Variants in MGP observed in about 807,000 individuals in gnomAD.
MGP encodes cell growth-inhibiting gene 36 protein.
Under a neutral mutation model 14.5 loss-of-function variants are expected in MGP, and 13 were observed. The observed-to-expected ratio is 0.89, with a 90% CI of 0.58 to 1.42. MGP has a LOEUF of 1.42. Ranked by LOEUF, MGP falls within the 40% of genes most tolerant of loss-of-function variation. MGP has a pLI of 0.00. For synonymous variants in MGP, 44 were observed against 46.3 expected (o/e 0.95, Z 0.20); for missense variants, 128 against 133.7 (o/e 0.96, Z 0.21).
intron 2 of MGP, 191 bp from the exon 3 acceptor site, chr12:14,883,238 C>T (rs1863401504): frequency 1.7e-6 from 1 of 580,788 alleles, no homozygotes; most frequent in Non-Finnish European, 3.1e-6. Context: ...AATCAGTAAT[C>T]AATCCATGTG....
intron 1 of MGP, 53 bp downstream of exon 1, chr12:14,885,678 C>T: frequency 6.9e-7 from 1 of 1,457,116 alleles, no homozygotes. Context: ...AGAAGTAAGC[C>T]AAAGTCAGAG....
In MGP at chr12:14,885,622, T is replaced by C. The variant is rs149985731; in HGVS notation, c.61+109A>G. 6.0e-3 allele frequency: 4,899 copies of C among 813,450 alleles called. 119 individuals carry two copies. Among genetic ancestry groups the C allele is most frequent in the South Asian group, 0.04 (2,750 of 68,970 alleles). The allele number at this position is 813,450 out of a possible 1,614,324, so 50.4% of individuals were successfully genotyped here. On this transcript the variant is annotated intron_variant, in intron 1 of 3. Coordinates refer to ENST00000539261, the MANE Select transcript of MGP (RefSeq NM_000900.5). ...ATGTGAAAGTAATGGTACTTTAAGATTATAACAGAGAAAGGGGGAAGAAGA... is the reference window on the plus strand; with the variant it reads ...ATGTGAAAGTAATGGTACTTTAAGACTATAACAGAGAAAGGGGGAAGAAGA...
intron 1 of MGP, chr12:14,884,724 G>T: frequency 8.8e-7 from 1 of 1,133,686 alleles, no homozygotes; most frequent in Non-Finnish European, 1.2e-6. Flanking sequence ...GCTTACTAGG[G>T]CAGGTTTCTA....
At position 14,884,672 on chromosome 12, in the gene MGP, G is replaced by C. The variant is rs1019844571; in HGVS notation, c.62-427C>G. Reference sequence around the variant, plus strand: ...TAAGAAGGATCCAGAAGACAGCCAGGTTTCTCCAGGCAAGAGAACTACAGG... The same window carrying C: ...TAAGAAGGATCCAGAAGACAGCCAGCTTTCTCCAGGCAAGAGAACTACAGG... On this transcript the variant is annotated intron_variant, in intron 1 of 3. Coordinates refer to ENST00000539261, the MANE Select transcript of MGP (RefSeq NM_000900.5). 1.6e-5 allele frequency: 10 copies of C among 607,966 alleles called. No individual in the cohort carries two copies. In the Admixed American group the frequency reaches 2.9e-4, roughly 17 times the overall value. The allele number at this position is 607,966 out of a possible 1,614,324, so 37.7% of individuals were successfully genotyped here.
chr12:14,881,859 A>G lies in MGP; in HGVS notation c.*280T>C, dbSNP rs181187005. 162 of 424,882 alleles carry G rather than the reference A, an allele frequency of 3.8e-4. No individual in the cohort carries two copies. Among genetic ancestry groups the G allele is most frequent in the African/African-American group, 3.1e-3 (153 of 49,918 alleles). The allele number at this position is 424,882 out of a possible 1,614,324, so 26.3% of individuals were successfully genotyped here. ...GGTGGGCCATGATTTAAATATCTCA[A>G]TATCTTCCCAAAAGAAAGCAGATTT... On this transcript the variant is annotated 3_prime_UTR_variant, in exon 4 of 4. Coordinates refer to ENST00000539261, the MANE Select transcript of MGP (RefSeq NM_000900.5).
At chr12:14,884,579 A>C (rs115717800) in intron 1 of MGP, among the ~76,000 whole-genome samples, 1 of 152,218 alleles carries the variant, frequency 6.6e-6, no homozygotes, top group Non-Finnish European at 1.5e-5. Context: ...AGTGCTGTAC[A>C]GAAGTCTCCA....
At chr12:14,883,648 A>G (rs1219700590) in intron 2 of MGP, 1 of 162,278 alleles carries the variant, frequency 6.2e-6, no homozygotes, top group African/African-American at 2.4e-5. Context: ...AAAATACAAA[A>G]ATTAGCCAGG....
rs1288287983 is a variant in MGP, at chr12:14,881,031, A to G, written c.*1108T>C. 1.3e-5 allele frequency: 2 copies of G among 152,236 alleles called. No homozygotes were observed. Among genetic ancestry groups the G allele is most frequent in the African/African-American group, 4.8e-5 (2 of 41,468 alleles). 9.4% of individuals were successfully genotyped at this position (152,236 alleles called of 1,614,324 possible). A position where few individuals can be genotyped will look rare whatever the true frequency, so the allele number is the denominator to read the frequency against. On this transcript the variant is annotated 3_prime_UTR_variant, in exon 4 of 4. Coordinates refer to ENST00000539261, the MANE Select transcript of MGP (RefSeq NM_000900.5). ...TACAGTGAAAATATCTTTCAAGAATAAAAACAAGCATACAAAACTTAAAGA... is the reference window on the plus strand; with the variant it reads ...TACAGTGAAAATATCTTTCAAGAATGAAAACAAGCATACAAAACTTAAAGA...
Position 14,882,974 on chromosome 12 carries a change from C to T in MGP, c.168G>A (p.Glu56=), listed in dbSNP as rs181964921. 5.6e-6 allele frequency: 9 copies of T among 1,609,558 alleles called. No homozygotes were observed. The Admixed American group carries it at 1.0e-4, about 18-fold the overall frequency. Residue 56 remains glutamate, a splice_region_variant and synonymous_variant, in exon 3 of 4, where the codon GAG becomes GAA. Transcript: ENST00000539261. The stretch of plus-strand genomic sequence containing the variant: ...CCTCATGAAGTTTTGTTACTGACCT[C>T]TCTTGGACTTTAGCTCTCCATCTCT... ...PQQRWRAKVQ[E]RIRERSKPVH...
rs146132829 is a variant in MGP, at chr12:14,883,474, A to G, written c.95-427T>C. 41 of 227,144 alleles carry G rather than the reference A, an allele frequency of 1.8e-4. 1 individual carries two copies. The highest frequency in any genetic ancestry group is 9.2e-4 in the African/African-American group (40 of 43,712). The allele number at this position is 227,144 out of a possible 1,614,324, so 14.1% of individuals were successfully genotyped here. On this transcript the variant is annotated intron_variant, in intron 2 of 3. Coordinates refer to ENST00000539261, the MANE Select transcript of MGP (RefSeq NM_000900.5). ...TGAGAGTGATGTGCCATTTCCTCCT[A>G]TGCTCAGTCTTTATAAATCCAGCTA...
At chr12:14,885,176 T>C (rs1020024092) in intron 1 of MGP, among the ~76,000 whole-genome samples, 4 of 152,222 alleles carry the variant, frequency 2.6e-5, no homozygotes, top group Non-Finnish European at 5.9e-5. Flanking sequence ...TAATGACATA[T>C]AGAAAACAGG....
chr12:14,884,081 ATTTAC>A (rs1242715570), intron 2 of MGP, 127 bp downstream of exon 2: 4 of 741,158 alleles, frequency 5.4e-6, no homozygotes, highest in East Asian at 3.1e-5. Context: ...AGATTTAAAA[ATTTAC>A]TTTAGTTTTC....
chr12:14,883,130 T>A (rs1237268343), intron 2 of MGP, 83 bp from the exon 3 acceptor site: 3 of 1,100,112 alleles, frequency 2.7e-6, no homozygotes, highest in Non-Finnish European at 4.2e-6. Flanking sequence ...CACAAATATA[T>A]TTGAAAGTGC....
rs117042350 is a variant in MGP, at chr12:14,883,201, G to A, written c.95-154C>T. The A allele has an allele frequency of 9.2e-6, 6 of 654,784 alleles. No individual in the cohort carries two copies. In the South Asian group the frequency reaches 9.9e-5, roughly 11 times the overall value. The allele number at this position is 654,784 out of a possible 1,614,324, so 40.6% of individuals were successfully genotyped here. A position where few individuals can be genotyped will look rare whatever the true frequency, so the allele number is the denominator to read the frequency against. On this transcript the variant is annotated intron_variant, in intron 2 of 3. Transcript: ENST00000539261. ...AAAAATTAAAGGAGAGTATAAAGTAGATTTCATTAACTTCCTGATCAAATG... is the reference window on the plus strand; with the variant it reads ...AAAAATTAAAGGAGAGTATAAAGTAAATTTCATTAACTTCCTGATCAAATG...
In MGP at chr12:14,881,950, C is replaced by T; in HGVS notation, c.*189G>A. On this transcript the variant is annotated 3_prime_UTR_variant, in exon 4 of 4. Transcript: ENST00000539261. ...ATCACATATGTTGACTCTCCTTTGA[C>T]CCTCACTGCAGTGCACTTTCATTAC... 1 of 652,390 alleles carries T rather than the reference C, an allele frequency of 1.5e-6. No individual in the cohort carries two copies. Among genetic ancestry groups the T allele is most frequent in the Non-Finnish European group, 2.7e-6 (1 of 374,354 alleles). The allele number at this position is 652,390 out of a possible 1,614,324, so 40.4% of individuals were successfully genotyped here.
At chr12:14,883,082 G>A (rs1394550152) in intron 2 of MGP, 35 bp from the exon 3 acceptor site, 25 of 1,429,258 alleles carry the variant, frequency 1.7e-5, no homozygotes, top group South Asian at 3.4e-5. Flanking sequence ...CAGTTTTAGC[G>A]ACACATAGCT....
rs746136489 is a variant in MGP at position 14,883,044 on chromosome 12, G to C, written c.98C>G (p.Pro33Arg). 1.2e-6 allele frequency: 2 copies of C among 1,605,154 alleles called. No homozygotes were observed. Among genetic ancestry groups the C allele is most frequent in the Non-Finnish European group, 1.7e-6 (2 of 1,172,038 alleles). Residue 33 changes from proline (P) to arginine (R), a missense_variant, in exon 3 of 4, where the codon CCC becomes CGC. Coordinates refer to ENST00000539261, the MANE Select transcript of MGP (RefSeq NM_000900.5). The part of the protein sequence containing the change: ...HESMESYELN[P>R]FINRRNANTF... ...ATTTGCATTTCTCCTGTTAATGAAG[G>C]GATCTTAGAACAGAAAATAAATAAA... is the stretch of plus-strand genomic sequence containing the variant.
intron 1 of MGP, among the ~76,000 whole-genome samples, chr12:14,884,530 G>T (rs1863417543): frequency 6.6e-6 from 1 of 152,044 alleles, no homozygotes; most frequent in Non-Finnish European, 1.5e-5. Flanking sequence ...ATTTCCCAAG[G>T]GCTATGACGT....
rs2430735 is a variant in MGP, at chr12:14,882,062, T to A, written c.*77A>T. ...CATTGTATATAAGCCTATGTATTTCTGTAATGCTGCTACAGGGGGATACAA... is the reference window on the plus strand; with the variant it reads ...CATTGTATATAAGCCTATGTATTTCAGTAATGCTGCTACAGGGGGATACAA... On this transcript the variant is annotated 3_prime_UTR_variant, in exon 4 of 4. Transcript: ENST00000539261. The A allele has an allele frequency of 1, 1,547,990 of 1,549,332 alleles. 773,335 individuals carry two copies. The highest frequency in any genetic ancestry group is 1 in the East Asian group (44,562 of 44,562).
Sources: gnomAD v4.1 joint callset for allele counts (sites outside exome capture counted in the v4.1 genomes callset) on GRCh38, gnomAD v4.1.1 for gene constraint, MANE v1.5 for transcripts, NCBI Gene and HGNC (gene_info 2026-07-23, HGNC 2026-07-21) for gene names.